SIK3: variants seen among roughly 807,000 people sequenced by gnomAD.
The protein encoded by SIK3 is SIK family kinase 3.
A neutral mutation model predicts 144.2 loss-of-function variants in SIK3; 28 were observed. The observed-to-expected ratio is 0.19, with a 90% CI of 0.14 to 0.27. The LOEUF is 0.27. SIK3 is among the 10% of genes least tolerant of loss of function. The pLI, the probability that SIK3 is intolerant of heterozygous loss-of-function variation, is 1.00. For missense variants in SIK3, 1,319 were observed against 1,776.0 expected (o/e 0.74, Z 4.62); for synonymous variants, 686 against 676.3 (o/e 1.01, Z -0.22).
chr11:117,001,596 A>G (rs1173580030), intron 1 of SIK3, among the ~76,000 whole-genome samples: 1 of 152,114 alleles, frequency 6.6e-6, no homozygotes. Context: ...AGACAAGAGA[A>G]TCACAAGCCC....
At chr11:117,082,886 C>T (rs1283067448) in intron 1 of SIK3, among the ~76,000 whole-genome samples, 1 of 152,090 alleles carries the variant, frequency 6.6e-6, no homozygotes, top group African/African-American at 2.4e-5. Context: ...CCAGAAACAT[C>T]CCGATTCCCG....
intron 1 of SIK3, among the ~76,000 whole-genome samples, chr11:117,086,186 T>C (rs897232619): frequency 3.3e-5 from 5 of 152,142 alleles, no homozygotes; most frequent in African/African-American, 9.7e-5. Context: ...TATGGCCCAA[T>C]TACCCTTGAA....
intron 1 of SIK3, among the ~76,000 whole-genome samples, chr11:116,990,628 A>G (rs1252989033): frequency 1.3e-5 from 2 of 152,174 alleles, no homozygotes; most frequent in African/African-American, 2.4e-5. Flanking sequence ...CCAGACAGCA[A>G]TAACTTCCAC....
intron 1 of SIK3, among the ~76,000 whole-genome samples, chr11:117,039,691 T>A (rs1313670108): frequency 6.6e-6 from 1 of 152,224 alleles, no homozygotes; most frequent in Non-Finnish European, 1.5e-5. Flanking sequence ...ATAAGTAACA[T>A]TTGTTGGGCA....
At chr11:117,078,098 C>A (rs988589139) in intron 1 of SIK3, among the ~76,000 whole-genome samples, 6 of 152,210 alleles carry the variant, frequency 3.9e-5, no homozygotes, top group South Asian at 2.1e-4. Flanking sequence ...ATTAGGCATG[C>A]CTTGTTCCAT....
chr11:116,904,607 G>GT (rs1467152573), intron 4 of SIK3: 2 of 151,882 alleles, frequency 1.3e-5, no homozygotes, highest in African/African-American at 4.8e-5. Flanking sequence ...TATTTCAATT[G>GT]TTTTTTCCCT....
At position 116,870,530 on chromosome 11, in the gene SIK3, G is replaced by A. The variant is rs1838756; in HGVS notation, c.1738-129C>T. On this transcript the variant is annotated intron_variant, in intron 13 of 24. Coordinates refer to ENST00000445177, the MANE Select transcript of SIK3 (RefSeq NM_001366686.3). ...TTTACAGAACTTTTCTAGACTCCTG[G>A]GTTATACAGGATTTTCATATACCTA... The A allele has an allele frequency of 0.018, 21,375 of 1,190,772 alleles. 2,736 individuals carry two copies. In the African/African-American group the frequency reaches 0.29, roughly 16 times the overall value. The allele number at this position is 1,190,772 out of a possible 1,614,324, so 73.8% of individuals were successfully genotyped here.
At chr11:117,012,258 G>A (rs1156726110) in intron 1 of SIK3, among the ~76,000 whole-genome samples, 1 of 152,124 alleles carries the variant, frequency 6.6e-6, no homozygotes, top group Non-Finnish European at 1.5e-5. Context: ...ATAGGCATGA[G>A]CCACCATGCC....
chr11:117,032,600 G>A (rs4548653), intron 1 of SIK3, among the ~76,000 whole-genome samples: 47,985 of 151,556 alleles, frequency 0.32, 8,664 homozygotes, highest in African/African-American at 0.5. Context: ...TCAAACTCCC[G>A]GGCTCAAGCA....
chr11:117,090,598 T>C, intron 1 of SIK3, among the ~76,000 whole-genome samples: 1 of 152,184 alleles, frequency 6.6e-6, no homozygotes, highest in East Asian at 1.9e-4. Context: ...AAATGTATAA[T>C]TACCAATATT....
Position 116,859,352 on chromosome 11 carries a change from T to A in SIK3, c.2678A>T (p.Gln893Leu), listed in dbSNP as rs1407048887. The change falls in exon 20 of 25, where the codon CAG (glutamine) becomes CTG (leucine). Residue 893 changes from glutamine to leucine, a missense_variant. By Grantham distance (113) the Gln-to-Leu change is moderately radical. Coordinates refer to ENST00000445177, the MANE Select transcript of SIK3 (RefSeq NM_001366686.3). Reference protein sequence around the residue: ...ISPSAGQMQMQHRTNLMATLS... With the variant: ...ISPSAGQMQMLHRTNLMATLS... ...GGTGGCCATCAGGTTGGTACGGTGC[T>A]GCATCTGCATCTGACCAGCACTGGG... 6.2e-7 allele frequency: 1 copy of A among 1,614,052 alleles called. No homozygotes were observed. The highest frequency in any genetic ancestry group is 1.3e-5 in the African/African-American group (1 of 74,930).
At chr11:117,057,298 A>C (rs1385719799) in intron 1 of SIK3, among the ~76,000 whole-genome samples, 1 of 152,194 alleles carries the variant, frequency 6.6e-6, no homozygotes, top group African/African-American at 2.4e-5. Flanking sequence ...ATCTGCACTA[A>C]TTTTTCTTAC....
rs116031747 is a variant in SIK3, at chr11:116,999,584, C to G, written c.274-42520G>C. On this transcript the variant is annotated intron_variant, in intron 1 of 24. Transcript: ENST00000445177. Reference sequence around the variant, plus strand: ...TTTGTTTTTTGTGGCATTTTGTTTTCTTTTCTTTTCTTTTCTTTTTTGTTT... The same window carrying G: ...TTTGTTTTTTGTGGCATTTTGTTTTGTTTTCTTTTCTTTTCTTTTTTGTTT... Among the ~76,000 whole-genome samples the G allele has an allele frequency of 7.0e-3, 1,061 of 151,682 alleles. 19 individuals carry two copies. The highest frequency in any genetic ancestry group is 0.024 in the African/African-American group (974 of 41,398).
chr11:117,005,763 T>C (rs1460079711), intron 1 of SIK3, among the ~76,000 whole-genome samples: 3 of 152,206 alleles, frequency 2.0e-5, no homozygotes, highest in South Asian at 2.1e-4. Flanking sequence ...ATAATAGTTA[T>C]ATAAGCAGCA....
intron 1 of SIK3, among the ~76,000 whole-genome samples, chr11:117,084,213 T>G (rs1486895260): frequency 6.6e-6 from 1 of 152,128 alleles, no homozygotes; most frequent in Non-Finnish European, 1.5e-5. Context: ...ATAACAGCTG[T>G]CTCTTACTCT....
intron 1 of SIK3, among the ~76,000 whole-genome samples, chr11:117,039,662 A>G (rs1303038318): frequency 6.6e-6 from 1 of 152,244 alleles, no homozygotes; most frequent in Non-Finnish European, 1.5e-5. Flanking sequence ...ATTTTATGTT[A>G]AGTAAAACCT....
chr11:117,005,039 C>T lies in SIK3; in HGVS notation c.274-47975G>A, dbSNP rs1950989647. 2.0e-5 allele frequency among the ~76,000 whole-genome samples: 3 copies of T among 152,128 alleles called. No individual in the cohort carries two copies. The South Asian group carries it at 6.2e-4, about 32-fold the overall frequency. ...AGCCAGGCAGGATTAGAACTTAAAA[C>T]CCCTATCTCCTAATCCAGTGTTTTT... On this transcript the variant is annotated intron_variant, in intron 1 of 24. Coordinates refer to ENST00000445177, the MANE Select transcript of SIK3 (RefSeq NM_001366686.3).
At chr11:117,011,690 G>A (rs1181722061) in intron 1 of SIK3, among the ~76,000 whole-genome samples, 2 of 152,088 alleles carry the variant, frequency 1.3e-5, no homozygotes, top group Non-Finnish European at 2.9e-5. Context: ...ACAAAATAAG[G>A]TTTCTGGCCA....
intron 3 of SIK3, among the ~76,000 whole-genome samples, chr11:116,953,218 T>G (rs910162517): frequency 2.6e-5 from 4 of 152,170 alleles, no homozygotes; most frequent in Non-Finnish European, 5.9e-5. Context: ...AAGGAGCAAA[T>G]GTTTAAAATA....
Sources: allele counts gnomAD v4.1 joint callset (sites outside exome capture counted in the v4.1 genomes callset), GRCh38; gene constraint gnomAD v4.1.1; transcripts MANE v1.5; gene names NCBI Gene and HGNC (gene_info 2026-07-23, HGNC 2026-07-21).